The following CPS1 variants were observed in gnomAD, a reference collection of about 807,000 sequenced individuals.
The protein encoded by CPS1 is carbamoyl-phosphate synthase [ammonia], mitochondrial.
A neutral mutation model predicts 174.6 loss-of-function variants in CPS1; 109 were observed. That is an observed-to-expected ratio of 0.62 (90% CI 0.53 to 0.73). The LOEUF (loss-of-function observed/expected upper bound fraction) is 0.73. Ranked by LOEUF, CPS1 falls within the 30% of genes least tolerant of loss-of-function variation. The pLI, the probability that CPS1 is intolerant of heterozygous loss-of-function variation, is 0.00. For synonymous variants in CPS1, 637 were observed against 632.0 expected, an observed-to-expected ratio of 1.01 and a Z score of -0.12; for missense variants, 1,689 against 1,821.9, an observed-to-expected ratio of 0.93 and a Z score of 1.33.
intron 35 of CPS1, 151 bp downstream of exon 35, chr2:210,675,112 A>G: frequency 1.5e-6 from 1 of 688,302 alleles, no homozygotes; most frequent in Non-Finnish European, 2.6e-6. Context: ...CTTAGAGTCA[A>G]ATCATTAAAA....
At chr2:210,544,338 T>C (rs1008092453) in intron 1 of CPS1, among the ~76,000 whole-genome samples, 4 of 152,062 alleles carry the variant, frequency 2.6e-5, no homozygotes, top group Admixed American at 6.6e-5. Context: ...GGCCAAGAGC[T>C]CTTCTTGATG....
intron 1 of CPS1, among the ~76,000 whole-genome samples, chr2:210,501,123 A>C (rs1351984980): frequency 6.6e-6 from 1 of 152,054 alleles, no homozygotes; most frequent in Non-Finnish European, 1.5e-5. Flanking sequence ...GTGGCTGGGA[A>C]ACAGAGCACC....
chr2:210,658,825 G>C (rs577708649), intron 31 of CPS1, 137 bp downstream of exon 31: 1 of 707,402 alleles, frequency 1.4e-6, no homozygotes, highest in African/African-American at 1.8e-5. Flanking sequence ...GTCTGAGTGT[G>C]GAATGATGCA....
intron 22 of CPS1, among the ~76,000 whole-genome samples, chr2:210,638,399 T>C (rs1700102812): frequency 6.6e-6 from 1 of 152,138 alleles, no homozygotes; most frequent in African/African-American, 2.4e-5. Flanking sequence ...TGATTTTTTT[T>C]CCTTTGGCCT....
intron 1 of CPS1, among the ~76,000 whole-genome samples, chr2:210,540,399 A>G (rs1451750149): frequency 2.0e-5 from 3 of 152,166 alleles, no homozygotes; most frequent in Non-Finnish European, 2.9e-5. Flanking sequence ...GAATATCTAT[A>G]TATCTATGTA....
intron 1 of CPS1, among the ~76,000 whole-genome samples, chr2:210,566,060 T>C (rs2106057192): frequency 6.6e-6 from 1 of 152,276 alleles, no homozygotes; most frequent in African/African-American, 2.4e-5. Flanking sequence ...TGAACCTTTC[T>C]ATCCAGGCCT....
Position 210,608,428 on chromosome 2 carries a change from G to A in CPS1, c.2260G>A (p.Val754Ile), listed in dbSNP as rs769891928. ...CCCACTTCCAGAAATTAAGAACGTC[G>A]TATCCGGGAAGACATCAGCCTGTTT... is the stretch of plus-strand genomic sequence containing the variant. Reference protein sequence around the residue: ...GIPLPEIKNVVSGKTSACFEP... With the variant: ...GIPLPEIKNVISGKTSACFEP... The change falls in exon 19 of 38, where the codon GTA becomes ATA. Residue 754 changes from valine (V) to isoleucine (I), a missense_variant. Coordinates refer to ENST00000233072, the MANE Select transcript of CPS1 (RefSeq NM_001875.5). 13 of 1,612,428 alleles carry A rather than the reference G, an allele frequency of 8.1e-6. No homozygotes were observed. Among genetic ancestry groups the A allele is most frequent in the South Asian group, 1.1e-5 (1 of 91,048 alleles).
rs138376266 is a variant in CPS1 at position 210,588,953 on chromosome 2, A to G, written c.711+806A>G. ...CAATCTCAAGTTACCATTTTAATTC[A>G]TGTTGCCCATCTTCCAATTGCAAAT... On this transcript the variant is annotated intron_variant, in intron 7 of 37. Transcript: ENST00000233072. 4.6e-5 allele frequency among the ~76,000 whole-genome samples: 7 copies of G among 152,178 alleles called. No individual in the cohort carries two copies. In the East Asian group the frequency reaches 1.4e-3, roughly 30 times the overall value.
chr2:210,598,286 T>C (rs563058701), intron 13 of CPS1, among the ~76,000 whole-genome samples: 1 of 152,018 alleles, frequency 6.6e-6, no homozygotes, highest in South Asian at 2.1e-4. Context: ...CCAGTGTCAC[T>C]GTAAAGTAAC....
In CPS1 at chr2:210,597,789, G is replaced by A. The variant is rs144195239; in HGVS notation, c.1360-1583G>A. On this transcript the variant is annotated intron_variant, in intron 13 of 37. Transcript: ENST00000233072. Reference sequence around the variant, plus strand: ...AAGAATTATTTTGAAGGTCTCTCCCGATGTAAGGAATGAGATAGAGCTATG... The same window carrying A: ...AAGAATTATTTTGAAGGTCTCTCCCAATGTAAGGAATGAGATAGAGCTATG... 4.7e-3 allele frequency among the ~76,000 whole-genome samples: 706 copies of A among 149,718 alleles called. 6 individuals are homozygous for A. The highest frequency in any genetic ancestry group is 0.011 in the Middle Eastern group (3 of 280).
intron 14 of CPS1, 64 bp from the exon 15 acceptor site, chr2:210,600,491 T>A: frequency 6.7e-7 from 1 of 1,490,766 alleles, no homozygotes; most frequent in Non-Finnish European, 9.3e-7. Flanking sequence ...TGTATTCAGT[T>A]GTCTATTAAA....
intron 1 of CPS1, among the ~76,000 whole-genome samples, chr2:210,520,819 T>G (rs1015339765): frequency 6.6e-6 from 1 of 152,064 alleles, no homozygotes; most frequent in South Asian, 2.1e-4. Context: ...ATGGTATGAA[T>G]GTACTACAAT....
chr2:210,528,873 C>T (rs1231390054), intron 1 of CPS1, among the ~76,000 whole-genome samples: 1 of 132,834 alleles, frequency 7.5e-6, no homozygotes, highest in Non-Finnish European at 1.5e-5. Context: ...GACATTGTGG[C>T]TAGCTGACTA....
intron 1 of CPS1, among the ~76,000 whole-genome samples, chr2:210,547,406 A>C (rs1030823785): frequency 6.6e-6 from 1 of 152,082 alleles, no homozygotes; most frequent in Non-Finnish European, 1.5e-5. Flanking sequence ...TTTGAGTCTG[A>C]TATTTCAGTT....
chr2:210,566,638 T>C (rs1022870236), intron 1 of CPS1, among the ~76,000 whole-genome samples: 10 of 152,198 alleles, frequency 6.6e-5, no homozygotes, highest in African/African-American at 2.2e-4. Flanking sequence ...AAAGAGGTTA[T>C]AAGTCAAACA....
At chr2:210,497,647 T>C (rs1042963541) in intron 1 of CPS1, among the ~76,000 whole-genome samples, 5 of 152,014 alleles carry the variant, frequency 3.3e-5, no homozygotes, top group African/African-American at 1.2e-4. Flanking sequence ...ATGCAGTATT[T>C]GGTGTTTTGT....
intron 1 of CPS1, among the ~76,000 whole-genome samples, chr2:210,536,320 C>CTTT (rs1440042501): frequency 2.5e-4 from 31 of 125,178 alleles, no homozygotes; most frequent in African/African-American, 8.2e-4. Context: ...TGTTTAGGTA[C>CTTT]TTTTTTTTTT....
chr2:210,649,197 T>A (rs1700486141), intron 27 of CPS1, among the ~76,000 whole-genome samples: 1 of 152,194 alleles, frequency 6.6e-6, no homozygotes, highest in African/African-American at 2.4e-5. Flanking sequence ...TCCTTTAAAA[T>A]GATGAAAATG....
chr2:210,623,793 A>G (rs1450160578), intron 21 of CPS1, among the ~76,000 whole-genome samples: 1 of 152,146 alleles, frequency 6.6e-6, no homozygotes, highest in Non-Finnish European at 1.5e-5. Context: ...ACACATGCTA[A>G]CTTCTATTGA....
Sources: allele counts gnomAD v4.1 joint callset (sites outside exome capture counted in the v4.1 genomes callset), GRCh38; gene constraint gnomAD v4.1.1; transcripts MANE v1.5; gene names NCBI Gene and HGNC (gene_info 2026-07-23, HGNC 2026-07-21).